TRMT11: variants seen among roughly 807,000 people sequenced by gnomAD.
TRMT11 encodes the protein tRNA (guanine(10)-N(2))-methyltransferase TRMT11.
A neutral mutation model predicts 62.8 loss-of-function variants in TRMT11; 53 were observed. That is an observed-to-expected ratio of 0.84 (90% CI 0.68 to 1.06). The LOEUF (loss-of-function observed/expected upper bound fraction) is 1.06, where lower values mean the gene tolerates loss of function less well. Ranked by LOEUF, TRMT11 falls within the 50% of genes least tolerant of loss-of-function variation. The pLI is 0.00. For synonymous variants in TRMT11, 188 were observed against 190.3 expected, an observed-to-expected ratio of 0.99 and a Z score of 0.10; for missense variants, 556 against 553.4, an observed-to-expected ratio of 1.00 and a Z score of -0.05.
intron 17 of TRMT11, among the ~76,000 whole-genome samples, chr6:126,083,180 A>AT (rs1339935308): frequency 1.3e-5 from 2 of 152,122 alleles, no homozygotes; most frequent in African/African-American, 2.4e-5. Flanking sequence ...CTTTTCTGAC[A>AT]TTCTTTCGGT....
At chr6:126,199,954 A>T (rs186189209) in intron 3 of TRMT11, 2 of 152,342 alleles carry the variant, frequency 1.3e-5, no homozygotes, top group Admixed American at 1.3e-4. Flanking sequence ...TGGAATACTA[A>T]TGAAATGCAA....
chr6:126,063,272 CT>C (rs1219396136), intron 17 of TRMT11, among the ~76,000 whole-genome samples: 2 of 152,130 alleles, frequency 1.3e-5, no homozygotes, highest in African/African-American at 4.8e-5. Context: ...AAAATAAGGA[CT>C]CAGTGGGCTT....
intron 17 of TRMT11, among the ~76,000 whole-genome samples, chr6:126,105,453 C>T (rs948617227): frequency 5.9e-5 from 9 of 152,104 alleles, no homozygotes; most frequent in African/African-American, 1.9e-4. Flanking sequence ...GGGTTGATCA[C>T]GCAGGAGGTA....
intron 17 of TRMT11, among the ~76,000 whole-genome samples, chr6:126,081,673 A>G (rs1203363731): frequency 6.6e-6 from 1 of 152,256 alleles, no homozygotes; most frequent in East Asian, 1.9e-4. Context: ...GAGGTCACAT[A>G]TACTACATTT....
Position 125,993,761 on chromosome 6 carries a change from TAA to T in TRMT11, c.79_80del (p.Lys27ValfsTer26). 1 of 1,603,108 alleles carries T rather than the reference TAA, an allele frequency of 6.2e-7. No individual in the cohort carries two copies. Among genetic ancestry groups the T allele is most frequent in the Non-Finnish European group, 8.5e-7 (1 of 1,170,820 alleles). ...TCTGTAATATTTTCAATACAGGAAA[TAA>T]AGTCTTTGCTTTTGCTTTTTGGAGG... On this transcript the variant is annotated frameshift_variant, in exon 2 of 13. Transcript: ENST00000334379. LOFTEE classifies it high-confidence loss of function.
chr6:126,027,664 G>C (rs1218377281), intron 12 of TRMT11, among the ~76,000 whole-genome samples: 1 of 152,058 alleles, frequency 6.6e-6, no homozygotes, highest in Non-Finnish European at 1.5e-5. Context: ...ACATCATATA[G>C]TTTAGATTAT....
intron 17 of TRMT11, among the ~76,000 whole-genome samples, chr6:126,073,646 A>G (rs183249979): frequency 2.0e-5 from 3 of 152,056 alleles, no homozygotes; most frequent in Admixed American, 1.3e-4. Context: ...TTAGTCCTCT[A>G]TTACAGTCAG....
the TRMT11 span, among the ~76,000 whole-genome samples, chr6:126,238,007 G>T: frequency 1.3e-5 from 2 of 152,084 alleles, no homozygotes; most frequent in Non-Finnish European, 2.9e-5. Context: ...GTAGAGGTGT[G>T]TGTAGTATTC....
intron 7 of TRMT11, among the ~76,000 whole-genome samples, chr6:126,005,765 A>G (rs1793254520): frequency 6.6e-6 from 1 of 151,990 alleles, no homozygotes; most frequent in Non-Finnish European, 1.5e-5. Flanking sequence ...TTCTTTGTTT[A>G]TAATTAATAT....
At chr6:126,212,060 A>G in the TRMT11 span, among the ~76,000 whole-genome samples, 1 of 152,152 alleles carries the variant, frequency 6.6e-6, no homozygotes, top group Non-Finnish European at 1.5e-5. Flanking sequence ...CACTTAACAT[A>G]ATGACCTCCA....
At chr6:126,267,356 T>G in the TRMT11 span, among the ~76,000 whole-genome samples, 1 of 152,228 alleles carries the variant, frequency 6.6e-6, no homozygotes, top group Non-Finnish European at 1.5e-5. Flanking sequence ...ATTTTCATTT[T>G]AATCTTTACT....
chr6:126,185,567 A>G (rs1478120357), intron 1 of TRMT11, among the ~76,000 whole-genome samples: 4 of 152,158 alleles, frequency 2.6e-5, no homozygotes, highest in Admixed American at 1.3e-4. Context: ...TAATTTTTCT[A>G]TCTAATGTTC....
the TRMT11 span, among the ~76,000 whole-genome samples, chr6:126,235,650 T>G: frequency 1.3e-5 from 2 of 152,072 alleles, no homozygotes; most frequent in South Asian, 4.1e-4. Context: ...TGCTGAATGA[T>G]GAGAACACAT....
chr6:126,264,212 T>C, the TRMT11 span, among the ~76,000 whole-genome samples: 1 of 152,226 alleles, frequency 6.6e-6, no homozygotes, highest in Non-Finnish European at 1.5e-5. Flanking sequence ...TTCTATTGTA[T>C]TTTCTTTATC....
At chr6:126,242,090 AG>A in the TRMT11 span, among the ~76,000 whole-genome samples, 13,119 of 152,258 alleles carry the variant, frequency 0.086, 1,850 homozygotes, top group African/African-American at 0.3. Context: ...GCAAAGTCTC[AG>A]GATACAAAAT....
chr6:126,272,308 AACTTG>A, the TRMT11 span, among the ~76,000 whole-genome samples: 1 of 152,132 alleles, frequency 6.6e-6, no homozygotes, highest in Non-Finnish European at 1.5e-5. Context: ...TTTATTTTAA[AACTTG>A]ACTTGTTTTA....
intron 17 of TRMT11, among the ~76,000 whole-genome samples, chr6:126,095,440 A>G (rs995991173): frequency 2.0e-5 from 3 of 152,190 alleles, no homozygotes; most frequent in African/African-American, 7.2e-5. Flanking sequence ...AGTTGATTGC[A>G]TAGGCTAGAA....
the TRMT11 span, among the ~76,000 whole-genome samples, chr6:126,269,886 A>G: frequency 1.3e-5 from 2 of 152,198 alleles, no homozygotes; most frequent in Non-Finnish European, 2.9e-5. Flanking sequence ...AAGAAACATA[A>G]GGATAAGTCA....
chr6:126,010,228 G>C (rs1793973276), intron 8 of TRMT11, among the ~76,000 whole-genome samples: 1 of 151,948 alleles, frequency 6.6e-6, no homozygotes, highest in African/African-American at 2.4e-5. Flanking sequence ...CAGATTTATA[G>C]CATTTGACAG....
Sources: allele counts gnomAD v4.1 joint callset (sites outside exome capture counted in the v4.1 genomes callset), GRCh38; gene constraint gnomAD v4.1.1; transcripts MANE v1.5; gene names NCBI Gene and HGNC (gene_info 2026-07-23, HGNC 2026-07-21).